MTMR12: variants seen among roughly 807,000 people sequenced by gnomAD.
MTMR12 encodes myotubularin related protein 12.
MTMR12 carries 33 observed loss-of-function variants against 96.7 expected under a neutral mutation model. The observed-to-expected ratio is 0.34, with a 90% confidence interval of 0.26 to 0.46. The LOEUF (loss-of-function observed/expected upper bound fraction) is 0.46. Among genes scored for constraint, MTMR12 ranks in the 20% least tolerant of loss-of-function variants. The probability of loss-of-function intolerance (pLI) is 1.00; values close to 1 mark genes in which losing one functional copy is unlikely to be tolerated. For missense variants in MTMR12, 721 were observed against 896.1 expected, an observed-to-expected ratio of 0.80 and a Z score of 2.49; for synonymous variants, 298 against 327.2, an observed-to-expected ratio of 0.91 and a Z score of 0.96.
At chr5:32,250,698 G>A (rs1220862552) in intron 8 of MTMR12, among the ~76,000 whole-genome samples, 1 of 152,200 alleles carries the variant, frequency 6.6e-6, no homozygotes, top group African/African-American at 2.4e-5. Context: ...TTCTGGAGCA[G>A]AAGGGCAGAA....
At chr5:32,281,296 TCTA>T (rs1307917070) in intron 1 of MTMR12, among the ~76,000 whole-genome samples, 2 of 149,478 alleles carry the variant, frequency 1.3e-5, no homozygotes, top group Admixed American at 6.7e-5. Flanking sequence ...ACTAGTAACT[TCTA>T]CTTTTCTCCC....
At position 32,229,893 on chromosome 5, in the gene MTMR12, A is replaced by G. The variant is rs749329853; in HGVS notation, c.2129T>C (p.Leu710Pro). Residue 710 changes from leucine to proline, a missense_variant, in exon 16 of 16, where the codon CTG becomes CCG. Leu to Pro is a moderately conservative substitution (Grantham distance 98). Coordinates refer to ENST00000382142, the MANE Select transcript of MTMR12 (RefSeq NM_001040446.3). ...GGGCTTAGAGGAATGTCGCTGGAGC[A>G]GAGCGAAAGGAAACAAAGACGAGAG... ...ARLSSLFPFA[L>P]LQRHSSKPVL... is the part of the protein sequence containing the mutation. 1.2e-6 allele frequency: 2 copies of G among 1,613,096 alleles called. No homozygotes were observed. The highest frequency in any genetic ancestry group is 1.7e-5 in the Admixed American group (1 of 59,894).
At chr5:32,280,995 C>T (rs1750269935) in intron 1 of MTMR12, among the ~76,000 whole-genome samples, 1 of 151,912 alleles carries the variant, frequency 6.6e-6, no homozygotes, top group Non-Finnish European at 1.5e-5. Flanking sequence ...CACCAGTAAT[C>T]ACAGCACTTT....
At chr5:32,257,662 G>A (rs116742078) in intron 7 of MTMR12, among the ~76,000 whole-genome samples, 2,345 of 152,030 alleles carry the variant, frequency 0.015, 32 homozygotes, top group Non-Finnish European at 0.024. Flanking sequence ...CCAGCTACTC[G>A]AGAGGCTGAA....
chr5:32,275,776 G>A (rs78677287), intron 2 of MTMR12, among the ~76,000 whole-genome samples: 1 of 152,038 alleles, frequency 6.6e-6, no homozygotes, highest in East Asian at 1.9e-4. Flanking sequence ...ACACCAAGAA[G>A]AGAAAAACAA....
At chr5:32,307,719 C>G (rs1323442195) in intron 1 of MTMR12, among the ~76,000 whole-genome samples, 1 of 152,108 alleles carries the variant, frequency 6.6e-6, no homozygotes. Flanking sequence ...TTACGCTGTC[C>G]GATGCCAGTC....
chr5:32,233,296 AG>A lies in MTMR12; in HGVS notation c.1674+476del, dbSNP rs1481125506. ...GGCTTCTTTTGTACTACAACAGTAG[AG>A]GGGTAGTTGTGACAGAGACTTTGCA... On this transcript the variant is annotated intron_variant, in intron 15 of 15. Transcript: ENST00000382142. The surrounding 1 kb of genome is among the most constrained non-coding windows in gnomAD (Gnocchi z 5.0). Among the ~76,000 whole-genome samples the A allele has an allele frequency of 6.6e-6, 1 of 151,956 alleles. No homozygotes were observed. Among genetic ancestry groups the A allele is most frequent in the Non-Finnish European group, 1.5e-5 (1 of 67,994 alleles).
chr5:32,305,056 A>T (rs1193107891), intron 1 of MTMR12, among the ~76,000 whole-genome samples: 1 of 152,182 alleles, frequency 6.6e-6, no homozygotes, highest in Non-Finnish European at 1.5e-5. Flanking sequence ...GGGAGATTTT[A>T]AAAAATTAGT....
At chr5:32,289,444 G>A (rs55842986) in intron 1 of MTMR12, among the ~76,000 whole-genome samples, 38,320 of 152,002 alleles carry the variant, frequency 0.25, 5,542 homozygotes, top group East Asian at 0.42. Flanking sequence ...AACAATTTAC[G>A]CAGTGGATCT....
At chr5:32,289,573 C>A (rs1750668464) in intron 1 of MTMR12, among the ~76,000 whole-genome samples, 1 of 152,190 alleles carries the variant, frequency 6.6e-6, no homozygotes, top group Admixed American at 6.5e-5. Flanking sequence ...GACAATGATT[C>A]CGGGGTACCC....
intron 7 of MTMR12, among the ~76,000 whole-genome samples, chr5:32,259,722 T>C (rs557395713): frequency 5.3e-5 from 8 of 152,106 alleles, no homozygotes; most frequent in Admixed American, 6.5e-5. Flanking sequence ...TGACTTAGCC[T>C]TGGGAAAGCT....
rs35999870 is a variant in MTMR12 at position 32,279,076 on chromosome 5, C to CA, written c.82-2335dup. Among the ~76,000 whole-genome samples, 292 of 50,498 alleles carry CA rather than the reference C, an allele frequency of 5.8e-3. 49 individuals are homozygous for CA. Among genetic ancestry groups the CA allele is most frequent in the Non-Finnish European group, 7.6e-3 (200 of 26,460 alleles). 33.1% of individuals were successfully genotyped at this position (50,498 alleles called of 152,430 possible). ...GGGCAACAAGAGCGAAACTCTGTCTCAAAAAAAAAAAAAAAAAAAAAAAAA... is the reference window on the plus strand; with the variant it reads ...GGGCAACAAGAGCGAAACTCTGTCTCAAAAAAAAAAAAAAAAAAAAAAAAAA... On this transcript the variant is annotated intron_variant, in intron 1 of 15. Transcript: ENST00000382142.
chr5:32,298,516 A>C (rs1241384396), intron 1 of MTMR12, among the ~76,000 whole-genome samples: 3 of 152,138 alleles, frequency 2.0e-5, no homozygotes, highest in Non-Finnish European at 4.4e-5. Context: ...GAAATCCATG[A>C]AACGACTCAC....
Position 32,274,133 on chromosome 5 carries a change from C to A in MTMR12, c.143-11G>T. 2 of 1,613,668 alleles carry A rather than the reference C, an allele frequency of 1.2e-6. No homozygotes were observed. Among genetic ancestry groups the A allele is most frequent in the Non-Finnish European group, 1.7e-6 (2 of 1,179,816 alleles). On this transcript the variant is annotated splice_polypyrimidine_tract_variant and intron_variant, in intron 2 of 15. Coordinates refer to ENST00000382142, the MANE Select transcript of MTMR12 (RefSeq NM_001040446.3). ...AAAGCAGCTGTTCACCTGGTAGAAA[C>A]CAAAACAGGTCCTCCTTAGAGTTCT...
chr5:32,267,483 G>T (rs1749646321), intron 6 of MTMR12, among the ~76,000 whole-genome samples: 1 of 152,100 alleles, frequency 6.6e-6, no homozygotes, highest in South Asian at 2.1e-4. Flanking sequence ...TCCAATGCTA[G>T]GCATTGTTAA....
At position 32,271,871 on chromosome 5, in the gene MTMR12, T is replaced by C; in HGVS notation, c.320A>G (p.Asn107Ser). ...TQFKNKVIGE[N>S]DITLHCVDQI... The stretch of plus-strand genomic sequence containing the variant: ...ATCAACACAGTGGAGTGTAATGTCA[T>C]TTTCTCCTATAACCTTATTCTTAAA... Residue 107 changes from asparagine (N) to serine (S), a missense_variant, in exon 4 of 16, where the codon AAT (asparagine) becomes AGT (serine). Transcript: ENST00000382142. 6.3e-7 allele frequency: 1 copy of C among 1,582,800 alleles called. No homozygotes were observed. The highest frequency in any genetic ancestry group is 1.1e-5 in the South Asian group (1 of 87,278).
chr5:32,293,850 T>C (rs551710027), intron 1 of MTMR12, among the ~76,000 whole-genome samples: 1 of 152,282 alleles, frequency 6.6e-6, no homozygotes, highest in Admixed American at 6.5e-5. Context: ...ATCCTTCAAA[T>C]TGACATTTCA....
intron 10 of MTMR12, among the ~76,000 whole-genome samples, chr5:32,246,811 G>A (rs1231820377): frequency 6.6e-6 from 1 of 152,138 alleles, no homozygotes; most frequent in Non-Finnish European, 1.5e-5. Context: ...CAGAATTCAT[G>A]TTGCTCTAAT....
At chr5:32,284,039 T>C (rs1581632441) in intron 1 of MTMR12, among the ~76,000 whole-genome samples, 1 of 152,154 alleles carries the variant, frequency 6.6e-6, no homozygotes, top group African/African-American at 2.4e-5. Context: ...CGGTGGCTTA[T>C]GCCTGTAATC....
Sources: gnomAD v4.1 joint callset for allele counts (sites outside exome capture counted in the v4.1 genomes callset) on GRCh38, gnomAD v4.1.1 for gene constraint, Gnocchi (gnomAD v3.1) non-coding constraint, MANE v1.5 for transcripts, NCBI Gene and HGNC (gene_info 2026-07-23, HGNC 2026-07-21) for gene names.